Variants in TRPC6 observed in about 807,000 individuals in gnomAD.
The protein encoded by TRPC6 is transient receptor potential cation channel subfamily C member 6, also known as short transient receptor potential channel 6.
A neutral mutation model predicts 90.7 loss-of-function variants in TRPC6; 55 were observed. The observed-to-expected ratio is 0.61, with a 90% CI of 0.49 to 0.76. The LOEUF (loss-of-function observed/expected upper bound fraction) is 0.76, where lower values mean the gene tolerates loss of function less well. Among genes scored for constraint, TRPC6 ranks in the 30% least tolerant of loss-of-function variants. The probability of loss-of-function intolerance (pLI) is 0.00; values close to 1 mark genes in which losing one functional copy is unlikely to be tolerated. For missense variants in TRPC6, 989 were observed against 1,122.7 expected, an observed-to-expected ratio of 0.88 and a Z score of 1.70; for synonymous variants, 393 against 393.0, an observed-to-expected ratio of 1.00 and a Z score of 0.00.
intron 4 of TRPC6, among the ~76,000 whole-genome samples, chr11:101,488,078 A>C (rs1287199662): frequency 6.6e-6 from 1 of 152,214 alleles, no homozygotes; most frequent in African/African-American, 2.4e-5. Flanking sequence ...CTTTCTACAT[A>C]GCACATTAAT....
intron 1 of TRPC6, among the ~76,000 whole-genome samples, chr11:101,570,551 C>T (rs943438119): frequency 1.3e-5 from 2 of 152,172 alleles, no homozygotes; most frequent in Non-Finnish European, 2.9e-5. Flanking sequence ...GATACCAACA[C>T]CTGGCAGAGA....
chr11:101,465,736 G>A (rs1238254348), intron 10 of TRPC6, among the ~76,000 whole-genome samples: 1 of 152,102 alleles, frequency 6.6e-6, no homozygotes, highest in Non-Finnish European at 1.5e-5. Flanking sequence ...GTGAGAATAT[G>A]TTCTTTTAGC....
chr11:101,458,775 A>G (rs1041165973), intron 10 of TRPC6, among the ~76,000 whole-genome samples: 23 of 152,190 alleles, frequency 1.5e-4, no homozygotes, highest in South Asian at 4.1e-4. Flanking sequence ...ACTGACATCT[A>G]TGGTGCACCT....
rs907720875 is a variant in TRPC6, at chr11:101,578,968, TG to T, written c.170+4365del. Among the ~76,000 whole-genome samples the T allele has an allele frequency of 7.2e-5, 11 of 152,228 alleles. No individual in the cohort carries two copies. The South Asian group carries it at 1.2e-3, about 17-fold the overall frequency. ...CTGCAATTTAAATGATATGTTTAAA[TG>T]GGGTTTTTTTTCTGTTTTACAATAA... On this transcript the variant is annotated intron_variant, in intron 1 of 12. Transcript: ENST00000344327.
Position 101,504,220 on chromosome 11 carries a change from T to G in TRPC6, c.749A>C (p.Asp250Ala). 6.2e-7 allele frequency: 1 copy of G among 1,614,126 alleles called. No individual in the cohort carries two copies. The highest frequency in any genetic ancestry group is 8.5e-7 in the Non-Finnish European group (1 of 1,180,004). ...RKGARIERPH[D>A]YFCKCNDCNQ... ...GCAGTCATTGCACTTGCAGAAATAA[T>G]CATGAGGCCGTTCAATCCTAGCACC... is the stretch of plus-strand genomic sequence containing the variant. Residue 250 changes from aspartate to alanine, a missense_variant, in exon 2 of 13, where the codon GAT becomes GCT. By Grantham distance (126) the Asp-to-Ala change is moderately radical (BLOSUM62 -2). Coordinates refer to ENST00000344327, the MANE Select transcript of TRPC6 (RefSeq NM_004621.6).
Position 101,491,748 on chromosome 11 carries a change from A to G in TRPC6, c.946-10T>C, listed in dbSNP as rs1859818628. On this transcript the variant is annotated splice_polypyrimidine_tract_variant and intron_variant, in intron 2 of 12. Transcript: ENST00000344327. ...GTTTTTTGTAGTCATTCTAGGAAAA[A>G]CAAAGCAAAACAAAAGCAATAATGG... is the stretch of plus-strand genomic sequence containing the variant. 1 of 1,613,224 alleles carries G rather than the reference A, an allele frequency of 6.2e-7. No homozygotes were observed. Among genetic ancestry groups the G allele is most frequent in the Non-Finnish European group, 8.5e-7 (1 of 1,179,740 alleles).
At chr11:101,458,143 C>T (rs1408006772) in intron 10 of TRPC6, among the ~76,000 whole-genome samples, 1 of 152,168 alleles carries the variant, frequency 6.6e-6, no homozygotes, top group Non-Finnish European at 1.5e-5. Context: ...TTTGAATCAA[C>T]ATTCAAACTT....
chr11:101,527,017 G>A (rs1047798026), intron 1 of TRPC6, among the ~76,000 whole-genome samples: 3 of 140,424 alleles, frequency 2.1e-5, no homozygotes, highest in Non-Finnish European at 3.3e-5. Context: ...GAATTAACAA[G>A]ACTACAATTT....
At chr11:101,540,515 G>C (rs1373813819) in intron 1 of TRPC6, among the ~76,000 whole-genome samples, 2 of 152,134 alleles carry the variant, frequency 1.3e-5, no homozygotes, top group East Asian at 3.8e-4. Flanking sequence ...TGGAGTCTAT[G>C]GAATTTCATT....
Position 101,473,641 on chromosome 11 carries a change from G to A in TRPC6, c.1877C>T (p.Ser626Leu), listed in dbSNP as rs1377884231. 4 of 1,613,660 alleles carry A rather than the reference G, an allele frequency of 2.5e-6. No homozygotes were observed. The highest frequency in any genetic ancestry group is 3.4e-6 in the Non-Finnish European group (4 of 1,179,808). The change falls in exon 7 of 13, where the codon TCA (serine) becomes TTA (leucine). Residue 626 changes from serine (S) to leucine (L), a missense_variant. By Grantham distance (145) the Ser-to-Leu change is moderately radical. Coordinates refer to ENST00000344327, the MANE Select transcript of TRPC6 (RefSeq NM_004621.6). ...GATGTCTTTGACTGTTCTTCCAAGTGATATCTGCAGAGGTCCAAAGCTTTC... is the reference window on the plus strand; with the variant it reads ...GATGTCTTTGACTGTTCTTCCAAGTAATATCTGCAGAGGTCCAAAGCTTTC... ...ANESFGPLQISLGRTVKDIFK... is the reference protein window; with the variant it reads ...ANESFGPLQILLGRTVKDIFK...
At chr11:101,499,847 G>GTA (rs1204735040) in intron 2 of TRPC6, among the ~76,000 whole-genome samples, 2 of 66,582 alleles carry the variant, frequency 3.0e-5, no homozygotes, top group South Asian at 4.2e-4. Flanking sequence ...TATAAAATGT[G>GTA]TATATATATA....
chr11:101,463,667 T>C (rs1022979648), intron 10 of TRPC6, among the ~76,000 whole-genome samples: 1 of 152,174 alleles, frequency 6.6e-6, no homozygotes, highest in Non-Finnish European at 1.5e-5. Context: ...CCCTATATCA[T>C]TTTTTATTGC....
intron 1 of TRPC6, among the ~76,000 whole-genome samples, chr11:101,510,864 A>G (rs1860379857): frequency 6.6e-6 from 1 of 152,160 alleles, no homozygotes; most frequent in Non-Finnish European, 1.5e-5. Flanking sequence ...ACACTTTTAT[A>G]ACATGGAACT....
chr11:101,471,298 T>C lies in TRPC6; in HGVS notation c.2294A>G (p.Asn765Ser), dbSNP rs199786058. ...CAGGGACTTTGGACTCGGCACCAGA[T>C]TGAAGGGTACAGGAAGTGTTCTGCC... ...EEGRTLPVPF[N>S]LVPSPKSLFY... The change falls in exon 9 of 13, where the codon AAT becomes AGT. Residue 765 changes from asparagine (N) to serine (S), a missense_variant. Physicochemically the swap from Asn to Ser is conservative, Grantham distance 46. This residue lies in a region of TRPC6 where 191 missense variants were observed against 196.7 expected (regional missense o/e 0.97). Coordinates refer to ENST00000344327, the MANE Select transcript of TRPC6 (RefSeq NM_004621.6). 115 of 1,613,852 alleles carry C rather than the reference T, an allele frequency of 7.1e-5. No homozygotes were observed. The Admixed American group carries it at 9.7e-4, about 14-fold the overall frequency.
chr11:101,464,113 G>A (rs1336859057), intron 10 of TRPC6, among the ~76,000 whole-genome samples: 1 of 152,072 alleles, frequency 6.6e-6, no homozygotes, highest in Non-Finnish European at 1.5e-5. Flanking sequence ...TAGTTGTGCG[G>A]TTTTGAGTTA....
Position 101,504,852 on chromosome 11 carries a change from G to C in TRPC6, c.171-54C>G. On this transcript the variant is annotated intron_variant, in intron 1 of 12. Transcript: ENST00000344327. ...AATCACATTAAGAGCATTTTAGTGT[G>C]CCAAATGACTTGCCATTCATCTAAT... is the stretch of plus-strand genomic sequence containing the variant. The C allele has an allele frequency of 3.1e-6, 5 of 1,591,532 alleles. 1 individual carries two copies. In the South Asian group the frequency reaches 5.7e-5, roughly 18 times the overall value.
rs75796094 is a variant in TRPC6 at position 101,526,145 on chromosome 11, G to A, written c.171-21347C>T. Among the ~76,000 whole-genome samples, 682 of 152,170 alleles carry A rather than the reference G, an allele frequency of 4.5e-3. 6 individuals are homozygous for A. Among genetic ancestry groups the A allele is most frequent in the African/African-American group, 0.016 (659 of 41,508 alleles). On this transcript the variant is annotated intron_variant, in intron 1 of 12. Transcript: ENST00000344327. The stretch of plus-strand genomic sequence containing the variant: ...TTGCATATATGTACATTAATGAAAG[G>A]GTATAAATATGAATCTCTCTCTCTC...
chr11:101,552,011 T>A (rs1171769456), intron 1 of TRPC6, among the ~76,000 whole-genome samples: 7 of 152,100 alleles, frequency 4.6e-5, no homozygotes, highest in African/African-American at 1.7e-4. Flanking sequence ...ATTGCTATGA[T>A]TAAAGGTTGT....
chr11:101,457,164 G>A (rs1043448647), intron 10 of TRPC6, among the ~76,000 whole-genome samples: 2 of 152,134 alleles, frequency 1.3e-5, no homozygotes, highest in Non-Finnish European at 2.9e-5. Flanking sequence ...CATGTATACT[G>A]TCATAGAGGT....
Sources: gnomAD v4.1 joint callset for allele counts (sites outside exome capture counted in the v4.1 genomes callset) on GRCh38, gnomAD v4.1.1 for gene constraint, gnomAD v4.1.1 regional missense constraint, MANE v1.5 for transcripts, NCBI Gene and HGNC (gene_info 2026-07-23, HGNC 2026-07-21) for gene names.